Variants in FAF1 observed in about 807,000 individuals in gnomAD.
FAF1 encodes Fas associated factor 1, also known as FAS-associated factor 1.
In FAF1, 25 loss-of-function variants were observed where a neutral mutation model predicts 92.5. That is an observed-to-expected ratio of 0.27 (90% CI 0.20 to 0.38). FAF1 has a LOEUF of 0.38. FAF1 is among the 10% of genes least tolerant of loss of function. FAF1 has a pLI of 1.00. For synonymous variants in FAF1, 234 were observed against 273.2 expected (o/e 0.86, Z 1.42); for missense variants, 636 against 793.3 (o/e 0.80, Z 2.38).
chr1:50,905,793 G>A (rs1198973017), intron 1 of FAF1, among the ~76,000 whole-genome samples: 3 of 152,128 alleles, frequency 2.0e-5, no homozygotes, highest in East Asian at 3.9e-4. Flanking sequence ...TTGTCAGATG[G>A]GTAGATTGCA....
intron 7 of FAF1, among the ~76,000 whole-genome samples, chr1:50,689,204 G>GA (rs781361786): frequency 5.3e-5 from 8 of 152,244 alleles, no homozygotes; most frequent in Admixed American, 1.3e-4. Flanking sequence ...TTTACAATTA[G>GA]AAAAAACACA....
At chr1:50,455,572 A>G (rs1646340765) in intron 18 of FAF1, among the ~76,000 whole-genome samples, 1 of 152,216 alleles carries the variant, frequency 6.6e-6, no homozygotes. Flanking sequence ...AGAGTTGTCA[A>G]TGGGGCATGT....
intron 13 of FAF1, among the ~76,000 whole-genome samples, chr1:50,561,572 A>G (rs936717489): frequency 1.6e-4 from 25 of 152,172 alleles, no homozygotes; most frequent in African/African-American, 6.0e-4. Context: ...TCATGCCTGT[A>G]ATCCCAGCAC....
intron 1 of FAF1, among the ~76,000 whole-genome samples, chr1:50,896,778 A>G (rs561461095): frequency 6.6e-6 from 1 of 152,324 alleles, no homozygotes; most frequent in Admixed American, 6.5e-5. Flanking sequence ...CCGTCAGACA[A>G]TGGTGTGAGG....
At chr1:50,731,708 A>C (rs1369995366) in intron 6 of FAF1, among the ~76,000 whole-genome samples, 1 of 151,966 alleles carries the variant, frequency 6.6e-6, no homozygotes, top group Non-Finnish European at 1.5e-5. Flanking sequence ...TAAGACTACA[A>C]ATTTCTAAGT....
At chr1:50,479,013 C>T (rs1028600030) in intron 17 of FAF1, among the ~76,000 whole-genome samples, 2 of 152,174 alleles carry the variant, frequency 1.3e-5, no homozygotes, top group Non-Finnish European at 2.9e-5. Context: ...AACTACCTCC[C>T]CTCAAAGTCA....
chr1:50,725,517 A>G (rs1448241456), intron 6 of FAF1, among the ~76,000 whole-genome samples: 3 of 152,180 alleles, frequency 2.0e-5, no homozygotes, highest in African/African-American at 7.2e-5. Context: ...GTACAGTGGC[A>G]TGATCTTGAC....
intron 1 of FAF1, among the ~76,000 whole-genome samples, chr1:50,883,724 A>G (rs927387096): frequency 6.6e-6 from 1 of 152,232 alleles, no homozygotes; most frequent in African/African-American, 2.4e-5. Context: ...TGACAGGAAA[A>G]GCTGTAAAAA....
chr1:50,669,173 T>C (rs947883763), intron 7 of FAF1, among the ~76,000 whole-genome samples: 6 of 152,154 alleles, frequency 3.9e-5, no homozygotes, highest in African/African-American at 1.4e-4. Context: ...ACTTTTCTAG[T>C]TGGGGATGCC....
intron 6 of FAF1, among the ~76,000 whole-genome samples, chr1:50,713,280 CTTTTG>C (rs1569818088): frequency 8.8e-6 from 1 of 113,866 alleles, no homozygotes; most frequent in Non-Finnish European, 1.8e-5. Context: ...TTTTCTTTTT[CTTTTG>C]TTTTGAGACA....
chr1:50,662,784 G>C (rs775197836), intron 7 of FAF1, among the ~76,000 whole-genome samples: 1 of 135,100 alleles, frequency 7.4e-6, no homozygotes, highest in Non-Finnish European at 1.5e-5. Context: ...TGCTGCTAGC[G>C]CCGCCTCCCG....
intron 13 of FAF1, among the ~76,000 whole-genome samples, chr1:50,563,065 G>C (rs74419151): frequency 0.047 from 7,204 of 152,164 alleles, 560 homozygotes; most frequent in African/African-American, 0.16. Flanking sequence ...GGATGTGCAT[G>C]GGTTATATGT....
At chr1:50,812,562 C>T (rs1643927524) in intron 2 of FAF1, among the ~76,000 whole-genome samples, 1 of 152,020 alleles carries the variant, frequency 6.6e-6, no homozygotes, top group South Asian at 2.1e-4. Context: ...TTATTTAAAT[C>T]TCTAAAAATA....
chr1:50,901,038 A>G (rs1018974031), intron 1 of FAF1, among the ~76,000 whole-genome samples: 3 of 152,238 alleles, frequency 2.0e-5, no homozygotes, highest in African/African-American at 7.2e-5. Context: ...AACATTAAAA[A>G]AAGTAGATAG....
chr1:50,441,488 C>T lies in FAF1; in HGVS notation c.1905G>A (p.Glu635=). The T allele has an allele frequency of 6.5e-7, 1 of 1,546,040 alleles. No individual in the cohort carries two copies. The highest frequency in any genetic ancestry group is 8.8e-7 in the Non-Finnish European group (1 of 1,142,650). The change falls in exon 19 of 19, where the codon GAG becomes GAA. Residue 635 remains glutamate (E), a synonymous_variant. Transcript: ENST00000396153. ...GGGTTTCTTGAGGGAACAACTTTAC[C>T]TCCAATAATGATTTATTTGGGTCCA... The part of the protein sequence containing the change: ...TQLDPNKSLL[E]VKLFPQETLF...
intron 1 of FAF1, among the ~76,000 whole-genome samples, chr1:50,929,450 T>C (rs1328847251): frequency 6.6e-6 from 1 of 152,200 alleles, no homozygotes; most frequent in Non-Finnish European, 1.5e-5. Flanking sequence ...TAAAATTGTA[T>C]TCAGATCCCT....
chr1:50,456,473 G>A (rs1646353800), intron 18 of FAF1, among the ~76,000 whole-genome samples: 1 of 152,232 alleles, frequency 6.6e-6, no homozygotes. Flanking sequence ...AAGAAACCAG[G>A]AATGTCACTA....
intron 15 of FAF1, among the ~76,000 whole-genome samples, chr1:50,514,041 T>C (rs1647173092): frequency 6.6e-6 from 1 of 152,248 alleles, no homozygotes; most frequent in South Asian, 2.1e-4. Flanking sequence ...TAAGGAATAA[T>C]CTGTTTCAAC....
At chr1:50,570,682 C>T (rs1376651059) in intron 12 of FAF1, among the ~76,000 whole-genome samples, 2 of 152,132 alleles carry the variant, frequency 1.3e-5, no homozygotes, top group Non-Finnish European at 2.9e-5. Context: ...CTGACATAAG[C>T]TTTCAACAAA....
Sources: gnomAD v4.1 joint callset for allele counts (sites outside exome capture counted in the v4.1 genomes callset) on GRCh38, gnomAD v4.1.1 for gene constraint, MANE v1.5 for transcripts, NCBI Gene and HGNC (gene_info 2026-07-23, HGNC 2026-07-21) for gene names.